DHDH: variants seen among roughly 807,000 people sequenced by gnomAD.
DHDH encodes trans-1,2-dihydrobenzene-1,2-diol dehydrogenase.
A neutral mutation model predicts 33.2 loss-of-function variants in DHDH; 29 were observed. The observed-to-expected ratio is 0.87, with a 90% CI of 0.65 to 1.19. DHDH has a LOEUF of 1.19. Ranked by LOEUF, DHDH falls within the 50% of genes most tolerant of loss-of-function variation. The pLI, the probability that DHDH is intolerant of heterozygous loss-of-function variation, is 0.00. For missense variants in DHDH, 431 were observed against 455.0 expected (o/e 0.95, Z 0.48); for synonymous variants, 201 against 187.9 (o/e 1.07, Z -0.57).
chr19:48,933,692 C>T (rs762931606), upstream of DHDH: 2 of 1,611,212 alleles, frequency 1.2e-6, no homozygotes, highest in Non-Finnish European at 1.7e-6. Flanking sequence ...CTGGAGGGAC[C>T]GAAGGTGCCG....
At chr19:48,940,121 G>A (rs1374063960) in intron 4 of DHDH, among the ~76,000 whole-genome samples, 2 of 152,068 alleles carry the variant, frequency 1.3e-5, no homozygotes, top group Admixed American at 6.6e-5. Flanking sequence ...TTGGGAGGCC[G>A]AGGTGGCCAG....
chr19:48,939,884 T>A (rs765817287), intron 4 of DHDH, among the ~76,000 whole-genome samples, 183 bp downstream of exon 4: 5 of 152,202 alleles, frequency 3.3e-5, no homozygotes, highest in Non-Finnish European at 5.9e-5. Context: ...GGGACTTTGC[T>A]GTGTGATCTT....
At chr19:48,936,719 A>AC (rs2037782577) in intron 3 of DHDH, among the ~76,000 whole-genome samples, 1 of 151,388 alleles carries the variant, frequency 6.6e-6, no homozygotes, top group African/African-American at 2.4e-5. Flanking sequence ...AACAAACAAA[A>AC]AAAAAAACAA....
At chr19:48,941,011 A>C (rs917682925) in intron 4 of DHDH, among the ~76,000 whole-genome samples, 1 of 147,934 alleles carries the variant, frequency 6.8e-6, no homozygotes, top group Non-Finnish European at 1.5e-5. Context: ...AAAAAAAAAA[A>C]CTTAGTGACT....
intron 5 of DHDH, among the ~76,000 whole-genome samples, chr19:48,944,064 A>G (rs914600063): frequency 1.4e-4 from 21 of 152,276 alleles, no homozygotes; most frequent in Non-Finnish European, 2.1e-4. Flanking sequence ...CACAAAGATA[A>G]GCCCTCCTCT....
In DHDH at chr19:48,942,579, G is replaced by A. The variant is rs770108144; in HGVS notation, c.744+15G>A. 2.6e-5 allele frequency: 41 copies of A among 1,606,452 alleles called. No individual in the cohort carries two copies. In the Admixed American group the frequency reaches 6.9e-4, roughly 27 times the overall value. ...GCATGGTACAGGTGAGGCATGGCGG[G>A]CCCAAGCGCTGGGGATCGTGCCCCT... On this transcript the variant is annotated intron_variant, in intron 5 of 6. Coordinates refer to ENST00000221403, the MANE Select transcript of DHDH (RefSeq NM_014475.4).
chr19:48,936,078 G>T lies in DHDH; in HGVS notation c.249G>T (p.Val83=). Residue 83 remains valine, a synonymous_variant, in exon 3 of 7, where the codon GTG becomes GTT. Coordinates refer to ENST00000221403, the MANE Select transcript of DHDH (RefSeq NM_014475.4). ...GTQHPQHKAA[V]MLCLAAGKAV... is the part of the protein sequence containing the mutation. ...AGCACCCCCAGCACAAGGCGGCGGT[G>T]ATGCTGTGCTTGGCGGCGGGCAAGG... is the stretch of plus-strand genomic sequence containing the variant. The T allele has an allele frequency of 6.2e-7, 1 of 1,610,764 alleles. No homozygotes were observed.
chr19:48,936,731 A>T (rs1286908430), intron 3 of DHDH, among the ~76,000 whole-genome samples: 11 of 151,672 alleles, frequency 7.3e-5, no homozygotes, highest in Admixed American at 3.3e-4. Context: ...AAAAAACAAG[A>T]AAAAGATGCC....
At chr19:48,943,477 A>G (rs2037896047) in intron 5 of DHDH, among the ~76,000 whole-genome samples, 1 of 151,978 alleles carries the variant, frequency 6.6e-6, no homozygotes, top group South Asian at 2.1e-4. Context: ...AGATCACTTG[A>G]GCTCAGGAAT....
At chr19:48,942,645 A>T in intron 5 of DHDH, 81 bp downstream of exon 5, 2 of 1,518,308 alleles carry the variant, frequency 1.3e-6, no homozygotes, top group Non-Finnish European at 1.8e-6. Flanking sequence ...GCTAGATGAG[A>T]GCTTAACCAG....
Position 48,944,458 on chromosome 19 carries a change from G to A in DHDH, c.846G>A (p.Gly282=), listed in dbSNP as rs767725295. The change falls in exon 6 of 7, where the codon GGG becomes GGA. Residue 282 remains glycine (G), a synonymous_variant. Coordinates refer to ENST00000221403, the MANE Select transcript of DHDH (RefSeq NM_014475.4). ...CAAAGGACTGCAATTTTGACAACGG[G>A]GCAGGCATGAGTTATGAGGCCAAGC... ...PVPKDCNFDN[G]AGMSYEAKHV... 1 of 1,613,700 alleles carries A rather than the reference G, an allele frequency of 6.2e-7. No homozygotes were observed. Among genetic ancestry groups the A allele is most frequent in the Non-Finnish European group, 8.5e-7 (1 of 1,179,708 alleles).
rs191673159 is a variant in DHDH, at chr19:48,937,684, C to A, written c.366+1489C>A. 2.0e-4 allele frequency among the ~76,000 whole-genome samples: 31 copies of A among 151,874 alleles called. 1 individual carries two copies. The East Asian group carries it at 6.0e-3, about 29-fold the overall frequency. ...AAAATTAGCCGGGCGTGGTGGCGGG[C>A]GCCTGTAGTCCCAGCTACTCGGGAG... On this transcript the variant is annotated intron_variant, in intron 3 of 6. Transcript: ENST00000221403.
At chr19:48,937,175 G>A (rs1253646154) in intron 3 of DHDH, among the ~76,000 whole-genome samples, 1 of 152,140 alleles carries the variant, frequency 6.6e-6, no homozygotes, top group Non-Finnish European at 1.5e-5. Context: ...TCATCAGGTC[G>A]TGGATATCTT....
chr19:48,938,838 G>A (rs911303993), intron 3 of DHDH, among the ~76,000 whole-genome samples: 1 of 151,988 alleles, frequency 6.6e-6, no homozygotes, highest in Non-Finnish European at 1.5e-5. Flanking sequence ...TAATAGAGAC[G>A]GGGTTTCACC....
In DHDH at chr19:48,942,504, C is replaced by CA. The variant is rs1298572588; in HGVS notation, c.685dup (p.Ser229LysfsTer38). 4 of 1,613,720 alleles carry CA rather than the reference C, an allele frequency of 2.5e-6. No homozygotes were observed. The highest frequency in any genetic ancestry group is 3.4e-6 in the Non-Finnish European group (4 of 1,179,926). The stretch of plus-strand genomic sequence containing the variant: ...GGGAGGTCCATGGCAGCTTCACCTG[C>CA]AGCATCACCGTGCAGCTCTCCAACA... On this transcript the variant is annotated frameshift_variant, in exon 5 of 7. Coordinates refer to ENST00000221403, the MANE Select transcript of DHDH (RefSeq NM_014475.4). LOFTEE classifies it high-confidence loss of function.
chr19:48,941,139 G>T (rs900626322), intron 4 of DHDH, among the ~76,000 whole-genome samples: 3 of 152,182 alleles, frequency 2.0e-5, no homozygotes, highest in African/African-American at 7.2e-5. Context: ...TGGCTGTTCA[G>T]CTGGGACTGG....
chr19:48,935,884 C>A, intron 2 of DHDH, 148 bp from the exon 3 acceptor site: 1 of 773,602 alleles, frequency 1.3e-6, no homozygotes, highest in Non-Finnish European at 1.9e-6. Flanking sequence ...AGGTAACAGC[C>A]CCTTCCTAAG....
At chr19:48,932,873 C>A (rs1387467149), upstream of DHDH, among the ~76,000 whole-genome samples, 1 of 152,130 alleles carries the variant, frequency 6.6e-6, no homozygotes, top group East Asian at 1.9e-4. Flanking sequence ...GAATCCTCCT[C>A]ACAACCCTAT....
At chr19:48,933,600 G>T, upstream of DHDH, 1 of 870,498 alleles carries the variant, frequency 1.1e-6, no homozygotes, top group South Asian at 1.4e-5. Context: ...TGGAGCCAAC[G>T]AGAATCGGCG....
Sources: gnomAD v4.1 joint callset for allele counts (sites outside exome capture counted in the v4.1 genomes callset) on GRCh38, gnomAD v4.1.1 for gene constraint, MANE v1.5 for transcripts, NCBI Gene and HGNC (gene_info 2026-07-23, HGNC 2026-07-21) for gene names.